RAB27A: variants seen among roughly 807,000 people sequenced by gnomAD.
RAB27A encodes the protein ras-related protein Rab-27A.
In RAB27A, 17 loss-of-function variants were observed where a neutral mutation model predicts 20.8. The ratio of observed to expected loss-of-function variants is 0.82; its 90% CI spans 0.56 to 1.23. RAB27A has a LOEUF of 1.23. RAB27A is among the 50% of genes most tolerant of loss of function. The probability of loss-of-function intolerance (pLI) is 0.00; values close to 1 mark genes in which losing one functional copy is unlikely to be tolerated. For synonymous variants in RAB27A, 85 were observed against 92.8 expected (o/e 0.92, Z 0.48); for missense variants, 277 against 266.7 (o/e 1.04, Z -0.27).
In RAB27A at chr15:55,214,293, A is replaced by G. The variant is rs559802725; in HGVS notation, c.468-8588T>C. ...CTACTAAAAATACAAAAAATTAGCC[A>G]GGCATGGTGGTGGACGCCTGTAGTC... On this transcript the variant is annotated intron_variant, in intron 6 of 6. Coordinates refer to ENST00000336787, the MANE Select transcript of RAB27A (RefSeq NM_183235.3). Among the ~76,000 whole-genome samples the G allele has an allele frequency of 6.4e-4, 97 of 152,204 alleles. No individual in the cohort carries two copies. In the South Asian group the frequency reaches 6.8e-3, roughly 11 times the overall value.
intron 2 of RAB27A, among the ~76,000 whole-genome samples, chr15:55,252,931 G>A (rs1036728910): frequency 2.0e-5 from 3 of 151,360 alleles, no homozygotes; most frequent in Non-Finnish European, 4.4e-5. Context: ...TCAAGAGATC[G>A]AGACCAGCTG....
upstream of RAB27A, among the ~76,000 whole-genome samples, chr15:55,292,047 G>T (rs990805866): frequency 6.6e-6 from 1 of 152,162 alleles, no homozygotes; most frequent in South Asian, 2.1e-4. Flanking sequence ...GGAAGCAAAA[G>T]ATAGCATTCA....
At chr15:55,218,862 C>T (rs1475149516) in intron 6 of RAB27A, among the ~76,000 whole-genome samples, 2 of 152,044 alleles carry the variant, frequency 1.3e-5, no homozygotes, top group Non-Finnish European at 2.9e-5. Context: ...CCTGCCTCAG[C>T]CTCCCAAGTA....
upstream of RAB27A, among the ~76,000 whole-genome samples, chr15:55,291,510 CAAAAAAAAAAAAAAAAA>C (rs530643102): frequency 6.2e-4 from 43 of 69,026 alleles, 2 homozygotes; most frequent in South Asian, 1.8e-3. Flanking sequence ...GACTCTGTTT[CAAAAAAAAAAAAAAAAA>C]AAAAAAAAAA....
intron 2 of RAB27A, among the ~76,000 whole-genome samples, chr15:55,247,282 A>T (rs1896723676): frequency 6.6e-6 from 1 of 152,128 alleles, no homozygotes; most frequent in Non-Finnish European, 1.5e-5. Context: ...AGTGCCACCA[A>T]ACTTGTGGGC....
chr15:55,252,598 T>A (rs530696337), intron 2 of RAB27A, among the ~76,000 whole-genome samples: 9 of 151,448 alleles, frequency 5.9e-5, no homozygotes, highest in Non-Finnish European at 1.3e-4. Flanking sequence ...TGAGATTCCA[T>A]CTCAAAAAAA....
intron 1 of RAB27A, among the ~76,000 whole-genome samples, chr15:55,283,314 C>T (rs1425458343): frequency 6.6e-6 from 1 of 152,174 alleles, no homozygotes; most frequent in East Asian, 1.9e-4. Flanking sequence ...AACTGACATA[C>T]ACTGGTGTGA....
intron 6 of RAB27A, among the ~76,000 whole-genome samples, chr15:55,208,178 A>G (rs949587028): frequency 2.0e-5 from 3 of 152,244 alleles, no homozygotes; most frequent in Non-Finnish European, 4.4e-5. Flanking sequence ...TACAATGCTT[A>G]AACTGTATCA....
At chr15:55,237,849 T>C (rs1896323983) in intron 2 of RAB27A, among the ~76,000 whole-genome samples, 1 of 152,188 alleles carries the variant, frequency 6.6e-6, no homozygotes, top group African/African-American at 2.4e-5. Context: ...TTACATCACT[T>C]AGGGTACAGG....
intron 6 of RAB27A, among the ~76,000 whole-genome samples, chr15:55,209,658 G>T (rs1277296304): frequency 6.9e-6 from 1 of 144,606 alleles, no homozygotes; most frequent in East Asian, 2.0e-4. Context: ...ATATCTTTTG[G>T]GATATATATA....
upstream of RAB27A, among the ~76,000 whole-genome samples, chr15:55,293,946 T>C (rs1443886047): frequency 6.6e-6 from 1 of 152,092 alleles, no homozygotes; most frequent in Non-Finnish European, 1.5e-5. Context: ...ATACATTTAA[T>C]GTTCATGGAA....
intron 4 of RAB27A, 110 bp from the exon 5 acceptor site, chr15:55,228,822 C>T: frequency 2.6e-6 from 2 of 768,056 alleles, no homozygotes; most frequent in South Asian, 1.4e-5. Context: ...TAACAAGCTA[C>T]ATGGTGATAT....
chr15:55,218,155 A>G (rs906870014), intron 6 of RAB27A, among the ~76,000 whole-genome samples: 2 of 152,364 alleles, frequency 1.3e-5, no homozygotes, highest in African/African-American at 4.8e-5. Flanking sequence ...GCTCACATGT[A>G]GATCTAGAAA....
intron 6 of RAB27A, among the ~76,000 whole-genome samples, chr15:55,207,439 G>A (rs751710732): frequency 6.6e-6 from 1 of 152,106 alleles, no homozygotes; most frequent in Non-Finnish European, 1.5e-5. Flanking sequence ...CTCCAAACTT[G>A]AGCAGCCTTA....
At chr15:55,209,145 T>C (rs1055754793) in intron 6 of RAB27A, among the ~76,000 whole-genome samples, 29 of 152,228 alleles carry the variant, frequency 1.9e-4, no homozygotes, top group African/African-American at 6.5e-4. Flanking sequence ...ACTAGAACGA[T>C]TGGAATTTTT....
At position 55,302,767 on chromosome 15, in the gene RAB27A, C is replaced by T. The variant is rs865838388; in HGVS notation, c.-112+11272G>A. On this transcript the variant is annotated intron_variant, in intron 2 of 5. Transcript: ENST00000563262. Reference sequence around the variant, plus strand: ...GAGGAGCACCTCTGCCCGGCCGAGACCCCGTCTGGGAGGTGAGGAGCATCT... The same window carrying T: ...GAGGAGCACCTCTGCCCGGCCGAGATCCCGTCTGGGAGGTGAGGAGCATCT... Among the ~76,000 whole-genome samples the T allele has an allele frequency of 7.3e-5, 10 of 137,302 alleles. No individual in the cohort carries two copies. In the South Asian group the frequency reaches 7.6e-4, roughly 10 times the overall value. 90.1% of individuals were successfully genotyped at this position (137,302 alleles called of 152,430 possible). A position where few individuals can be genotyped will look rare whatever the true frequency, so the allele number is the denominator to read the frequency against.
intron 2 of RAB27A, among the ~76,000 whole-genome samples, chr15:55,238,818 T>C (rs969493620): frequency 6.6e-6 from 1 of 152,216 alleles, no homozygotes; most frequent in Non-Finnish European, 1.5e-5. Flanking sequence ...AATACAGATA[T>C]GTTTACTTCA....
chr15:55,317,386 C>T (rs1377287971), intron 1 of RAB27A: 1 of 212,234 alleles, frequency 4.7e-6, no homozygotes, highest in East Asian at 9.4e-5. Flanking sequence ...GTGATCTTGA[C>T]TCACTGCCAC....
chr15:55,303,579 C>A (rs2054983908), intron 2 of RAB27A, among the ~76,000 whole-genome samples: 5 of 85,754 alleles, frequency 5.8e-5, no homozygotes, highest in African/African-American at 2.5e-4. Flanking sequence ...CGGCCCCCCG[C>A]CCGGCCAGCC....
Sources: gnomAD v4.1 joint callset for allele counts (sites outside exome capture counted in the v4.1 genomes callset) on GRCh38, gnomAD v4.1.1 for gene constraint, MANE v1.5 for transcripts, NCBI Gene and HGNC (gene_info 2026-07-23, HGNC 2026-07-21) for gene names.